RANBP2: variants seen among roughly 807,000 people sequenced by gnomAD.
RANBP2 encodes E3 SUMO-protein ligase RanBP2.
A neutral mutation model predicts 303.6 loss-of-function variants in RANBP2; 57 were observed. The observed-to-expected ratio is 0.19, with a 90% CI of 0.15 to 0.23. The LOEUF is 0.23. Among genes scored for constraint, RANBP2 ranks in the 10% least tolerant of loss-of-function variants. The pLI is 1.00. For missense variants in RANBP2, 3,138 were observed against 3,780.8 expected, an observed-to-expected ratio of 0.83 and a Z score of 4.46; for synonymous variants, 1,167 against 1,301.5, an observed-to-expected ratio of 0.90 and a Z score of 2.23.
At chr2:109,528,878 G>T in the RANBP2 span, among the ~76,000 whole-genome samples, 1 of 152,196 alleles carries the variant, frequency 6.6e-6, no homozygotes, top group African/African-American at 2.4e-5. Flanking sequence ...GGTGCAGAAG[G>T]GTCGGTGTAG....
the RANBP2 span, among the ~76,000 whole-genome samples, chr2:109,741,445 T>G: frequency 1.5e-3 from 227 of 151,074 alleles, 1 homozygote; most frequent in African/African-American, 5.5e-3. Flanking sequence ...ATGGTCGGGC[T>G]CGGTGCCCCA....
the RANBP2 span, among the ~76,000 whole-genome samples, chr2:109,315,858 A>G: frequency 6.6e-6 from 1 of 152,154 alleles, no homozygotes; most frequent in Admixed American, 6.5e-5. Flanking sequence ...TCAGGACGTG[A>G]TCTAGGCATC....
chr2:109,263,176 G>T, the RANBP2 span, among the ~76,000 whole-genome samples: 1 of 152,138 alleles, frequency 6.6e-6, no homozygotes. Flanking sequence ...GTTAAGAACG[G>T]CAGAGACATG....
At chr2:108,730,253 A>C (rs1695060483) in intron 2 of RANBP2, among the ~76,000 whole-genome samples, 1 of 138,666 alleles carries the variant, frequency 7.2e-6, no homozygotes, top group Non-Finnish European at 1.5e-5. Context: ...GAGAAATGGA[A>C]ATTTCCTGTA....
the RANBP2 span, among the ~76,000 whole-genome samples, chr2:109,173,935 C>T: frequency 3.3e-5 from 5 of 152,236 alleles, no homozygotes; most frequent in African/African-American, 1.2e-4. Context: ...TTCTTATGCC[C>T]TTTAAAGCAG....
the RANBP2 span, among the ~76,000 whole-genome samples, chr2:109,051,482 C>T: frequency 2.6e-5 from 4 of 152,280 alleles, no homozygotes; most frequent in Admixed American, 1.3e-4. Context: ...CACATGCAAG[C>T]GGTATAGAGT....
the RANBP2 span, chr2:109,616,126 T>C: frequency 7.0e-7 from 1 of 1,429,946 alleles, no homozygotes; most frequent in African/African-American, 1.4e-5. Context: ...GAATACTAGG[T>C]GTTGTAAGGA....
the RANBP2 span, chr2:109,667,785 G>T: frequency 5.5e-6 from 1 of 181,554 alleles, no homozygotes; most frequent in Middle Eastern, 1.8e-3. Flanking sequence ...TCAGATCCTT[G>T]CACTGCTGGA....
chr2:109,593,409 C>CTTTTTTTTTTT, the RANBP2 span, among the ~76,000 whole-genome samples: 6 of 133,780 alleles, frequency 4.5e-5, no homozygotes, highest in African/African-American at 8.5e-5. Context: ...AGAGAAAGAA[C>CTTTTTTTTTTT]TTTTTTTTTT....
At chr2:109,012,772 G>A in the RANBP2 span, among the ~76,000 whole-genome samples, 7 of 152,284 alleles carry the variant, frequency 4.6e-5, no homozygotes, top group African/African-American at 1.7e-4. Flanking sequence ...AAATTAGCCG[G>A]GCGTGTTGGC....
chr2:108,815,940 G>C, the RANBP2 span: 5 of 1,601,844 alleles, frequency 3.1e-6, no homozygotes, highest in South Asian at 5.7e-5. Context: ...TTGACATATA[G>C]GTACCACTTA....
the RANBP2 span, among the ~76,000 whole-genome samples, chr2:109,456,276 C>T: frequency 4.6e-5 from 7 of 152,204 alleles, no homozygotes; most frequent in Non-Finnish European, 5.9e-5. Flanking sequence ...GGAGCACCGG[C>T]GACTCCAGGT....
the RANBP2 span, among the ~76,000 whole-genome samples, chr2:109,734,831 C>A: frequency 1.3e-5 from 2 of 152,138 alleles, no homozygotes; most frequent in African/African-American, 4.8e-5. Flanking sequence ...AGAAAAAGGT[C>A]TCATGTATAT....
the RANBP2 span, among the ~76,000 whole-genome samples, chr2:109,358,410 T>C: frequency 6.6e-6 from 1 of 152,242 alleles, no homozygotes; most frequent in Non-Finnish European, 1.5e-5. Flanking sequence ...TTTGGATAAA[T>C]ACTAAGGAGT....
At chr2:109,620,677 G>A in the RANBP2 span, among the ~76,000 whole-genome samples, 1 of 152,110 alleles carries the variant, frequency 6.6e-6, no homozygotes, top group Non-Finnish European at 1.5e-5. Context: ...ACTCCAGCCT[G>A]GGCATCACAG....
chr2:109,376,567 C>G, the RANBP2 span, among the ~76,000 whole-genome samples: 3 of 152,226 alleles, frequency 2.0e-5, no homozygotes, highest in African/African-American at 7.2e-5. Flanking sequence ...ACAGTAGACA[C>G]AAGTGTCAAG....
the RANBP2 span, among the ~76,000 whole-genome samples, chr2:108,810,496 G>C: frequency 6.6e-6 from 1 of 152,086 alleles, no homozygotes; most frequent in Non-Finnish European, 1.5e-5. Flanking sequence ...GCCTTCCTGT[G>C]TCCCTGGGAT....
the RANBP2 span, among the ~76,000 whole-genome samples, chr2:109,713,816 T>C: frequency 1.3e-5 from 2 of 152,230 alleles, no homozygotes; most frequent in African/African-American, 4.8e-5. Flanking sequence ...GATCGAATGA[T>C]CGAAAGCTTT....
the RANBP2 span, among the ~76,000 whole-genome samples, chr2:109,570,501 T>C: frequency 1.4e-4 from 21 of 151,440 alleles, no homozygotes; most frequent in Non-Finnish European, 2.2e-4. Context: ...ATAACAACTA[T>C]TGACATAGCA....
Sources: gnomAD v4.1 joint callset for allele counts (sites outside exome capture counted in the v4.1 genomes callset) on GRCh38, gnomAD v4.1.1 for gene constraint, MANE v1.5 for transcripts, NCBI Gene and HGNC (gene_info 2026-07-23, HGNC 2026-07-21) for gene names.